DMD: variants seen among roughly 807,000 people sequenced by gnomAD.
The protein encoded by DMD is mutant dystrophin.
DMD carries 63 observed loss-of-function variants against 330.1 expected under a neutral mutation model. The observed-to-expected ratio is 0.19, with a 90% CI of 0.16 to 0.24. DMD has a LOEUF of 0.24. DMD is among the 10% of genes least tolerant of loss of function. The pLI, the probability that DMD is intolerant of heterozygous loss-of-function variation, is 1.00. For missense variants in DMD, 3,344 were observed against 2,684.1 expected (o/e 1.25, Z -5.43); for synonymous variants, 1,223 against 959.8 (o/e 1.27, Z -5.07).
At chrX:32,677,981 G>A (rs898029452) in intron 9 of DMD, among the ~76,000 whole-genome samples, 2 of 111,873 alleles carry the variant, frequency 1.8e-5, no homozygotes, top group African/African-American at 6.5e-5. Flanking sequence ...AAGGTATATT[G>A]TAAATGAAAA....
chrX:32,378,241 T>A (rs994094003), intron 34 of DMD, among the ~76,000 whole-genome samples: 3 of 110,417 alleles, frequency 2.7e-5, no homozygotes, highest in African/African-American at 9.8e-5. Context: ...AAATGTTCCC[T>A]GTCCATTCCA....
chrX:32,133,107 C>A (rs1301243302), intron 44 of DMD, among the ~76,000 whole-genome samples: 1 of 104,289 alleles, frequency 9.6e-6, no homozygotes, highest in African/African-American at 3.6e-5. Flanking sequence ...CTCCTAGGTA[C>A]AAGCAATTCT....
At chrX:32,879,039 A>ACAAACAAAAAACAAAC (rs754417615) in intron 2 of DMD, among the ~76,000 whole-genome samples, 1 of 99,732 alleles carries the variant, frequency 1.0e-5, no homozygotes, top group African/African-American at 3.6e-5. Context: ...AAACAAACAA[A>ACAAACAAAAAACAAAC]AAAAAAACAA....
chrX:32,025,759 A>G (rs1438392616), intron 44 of DMD, among the ~76,000 whole-genome samples: 1 of 111,716 alleles, frequency 9.0e-6, no homozygotes, highest in Non-Finnish European at 1.9e-5. Context: ...GTAGGAATAA[A>G]AACACGGTCA....
intron 67 of DMD, among the ~76,000 whole-genome samples, chrX:31,195,658 A>T (rs988910998): frequency 9.1e-5 from 10 of 109,326 alleles, no homozygotes; most frequent in African/African-American, 3.3e-4. Flanking sequence ...TAGTGAGATG[A>T]TACAGCATGA....
intron 44 of DMD, among the ~76,000 whole-genome samples, chrX:32,182,101 T>C (rs1970408480): frequency 8.9e-6 from 1 of 111,777 alleles, no homozygotes; most frequent in Non-Finnish European, 1.9e-5. Flanking sequence ...ACATATGAAG[T>C]GGTGGTTTGG....
chrX:32,488,975 T>C (rs973235642), intron 20 of DMD, among the ~76,000 whole-genome samples: 7 of 111,221 alleles, frequency 6.3e-5, no homozygotes, highest in Non-Finnish European at 1.3e-4. Flanking sequence ...AATTCTAACT[T>C]ATCACAAAAG....
intron 1 of DMD, among the ~76,000 whole-genome samples, chrX:33,151,777 A>T (rs935885378): frequency 2.7e-5 from 3 of 112,601 alleles, no homozygotes; most frequent in African/African-American, 9.7e-5. Context: ...CTGAAGAAAA[A>T]AAAGAATTGG....
intron 20 of DMD, 86 bp from the exon 21 acceptor site, chrX:32,485,185 G>A: frequency 1.1e-6 from 1 of 915,924 alleles, no homozygotes; most frequent in Non-Finnish European, 1.6e-6. Flanking sequence ...AAGCAGTAAG[G>A]CAAGTTTAGC....
At chrX:31,815,171 T>C (rs751737000) in intron 50 of DMD, among the ~76,000 whole-genome samples, 152 of 112,241 alleles carry the variant, frequency 1.4e-3, no homozygotes, top group African/African-American at 4.8e-3. Context: ...AAGTCTTGGC[T>C]GGGCACAGTG....
intron 44 of DMD, among the ~76,000 whole-genome samples, chrX:32,200,455 A>AC (rs201417032): frequency 7.2e-5 from 8 of 111,438 alleles, no homozygotes; most frequent in Non-Finnish European, 1.5e-4. Context: ...CACATGTAAC[A>AC]ATACATATGT....
intron 44 of DMD, among the ~76,000 whole-genome samples, chrX:32,068,921 T>A (rs16998257): frequency 9.0e-6 from 1 of 111,123 alleles, no homozygotes; most frequent in Non-Finnish European, 1.9e-5. Flanking sequence ...TTGGAACATA[T>A]TGACCTGACA....
intron 43 of DMD, among the ~76,000 whole-genome samples, chrX:32,236,082 A>G (rs1394637168): frequency 8.9e-6 from 1 of 112,199 alleles, no homozygotes; most frequent in East Asian, 2.8e-4. Context: ...TTGAGGTGAT[A>G]GGATTTCCTC....
intron 1 of DMD, among the ~76,000 whole-genome samples, chrX:33,237,574 A>T (rs2148887165): frequency 9.0e-6 from 1 of 111,445 alleles, no homozygotes; most frequent in East Asian, 2.9e-4. Context: ...CACCTTTTTG[A>T]GGTAGGACTT....
chrX:32,325,389 T>C (rs1419990094), intron 41 of DMD, among the ~76,000 whole-genome samples: 3 of 111,702 alleles, frequency 2.7e-5, no homozygotes, highest in Non-Finnish European at 5.6e-5. Flanking sequence ...GATTTCAAGG[T>C]AAATTGAGTC....
chrX:31,461,877 G>A (rs1490445491), intron 59 of DMD, among the ~76,000 whole-genome samples: 1 of 111,293 alleles, frequency 9.0e-6, no homozygotes, highest in African/African-American at 3.3e-5. Flanking sequence ...GACTATTAAT[G>A]TCTTATAGCT....
intron 62 of DMD, among the ~76,000 whole-genome samples, chrX:31,267,227 T>C (rs766216880): frequency 5.3e-5 from 6 of 112,456 alleles, no homozygotes; most frequent in Non-Finnish European, 1.1e-4. Flanking sequence ...CTACTTGTTG[T>C]CTAAATAAAT....
At chrX:32,727,936 G>A (rs942521821) in intron 7 of DMD, among the ~76,000 whole-genome samples, 7 of 111,072 alleles carry the variant, frequency 6.3e-5, no homozygotes, top group African/African-American at 2.0e-4. Context: ...AGTTTATAAA[G>A]GGCATTACTG....
At chrX:32,242,597 CTTATT>C (rs2097213023) in intron 43 of DMD, among the ~76,000 whole-genome samples, 1 of 111,085 alleles carries the variant, frequency 9.0e-6, no homozygotes, top group Non-Finnish European at 1.9e-5. Context: ...GAGTATGTAA[CTTATT>C]TTATTTGTTA....
Sources: gnomAD v4.1 joint callset for allele counts (sites outside exome capture counted in the v4.1 genomes callset) on GRCh38, gnomAD v4.1.1 for gene constraint, MANE v1.5 for transcripts, NCBI Gene and HGNC (gene_info 2026-07-23, HGNC 2026-07-21) for gene names.